Variants in SLC12A8 observed in about 807,000 individuals in gnomAD.
SLC12A8 encodes solute carrier family 12 member 8, also known as cation-chloride cotransporter 9.
In SLC12A8, 69 loss-of-function variants were observed where a neutral mutation model predicts 75.6. The observed-to-expected ratio is 0.91, with a 90% CI of 0.75 to 1.11. The LOEUF is 1.11. Ranked by LOEUF, SLC12A8 falls within the 50% of genes most tolerant of loss-of-function variation. The probability of loss-of-function intolerance (pLI) is 0.00; values close to 1 mark genes in which losing one functional copy is unlikely to be tolerated. For missense variants in SLC12A8, 877 were observed against 896.7 expected (o/e 0.98, Z 0.28); for synonymous variants, 365 against 372.8 (o/e 0.98, Z 0.24).
intron 8 of SLC12A8, among the ~76,000 whole-genome samples, chr3:125,113,546 C>T (rs934934968): frequency 6.6e-6 from 1 of 152,166 alleles, no homozygotes; most frequent in African/African-American, 2.4e-5. Context: ...GGCTTATAGA[C>T]ACGTAGCTCT....
chr3:125,127,649 A>G (rs11706126), intron 6 of SLC12A8, among the ~76,000 whole-genome samples: 51,973 of 152,128 alleles, frequency 0.34, 9,137 homozygotes, highest in East Asian at 0.51. Flanking sequence ...CAACCACTTC[A>G]TGGCAGCCCT....
intron 10 of SLC12A8, among the ~76,000 whole-genome samples, chr3:125,106,571 T>G (rs1939030918): frequency 6.6e-6 from 1 of 152,154 alleles, no homozygotes; most frequent in Non-Finnish European, 1.5e-5. Flanking sequence ...GCCTGGCTAA[T>G]TATTTGTATT....
intron 5 of SLC12A8, among the ~76,000 whole-genome samples, chr3:125,147,659 T>C (rs1933818895): frequency 6.6e-6 from 1 of 152,050 alleles, no homozygotes; most frequent in Non-Finnish European, 1.5e-5. Context: ...CTGGACAGCC[T>C]GGGAAGTGTT....
intron 3 of SLC12A8, among the ~76,000 whole-genome samples, chr3:125,189,035 T>C (rs1934855860): frequency 6.6e-6 from 1 of 152,228 alleles, no homozygotes; most frequent in African/African-American, 2.4e-5. Context: ...CGGCAACTAA[T>C]TGTTTAGTCA....
intron 6 of SLC12A8, among the ~76,000 whole-genome samples, chr3:125,126,424 T>C (rs891804315): frequency 2.6e-5 from 4 of 152,178 alleles, no homozygotes; most frequent in Non-Finnish European, 4.4e-5. Flanking sequence ...CTCAAAAATA[T>C]ATCCTTGGGT....
intron 10 of SLC12A8, among the ~76,000 whole-genome samples, chr3:125,093,758 C>T (rs978760356): frequency 6.6e-6 from 1 of 152,144 alleles, no homozygotes; most frequent in Admixed American, 6.5e-5. Context: ...TGGCATGTAG[C>T]AGAACTCACT....
chr3:125,134,160 G>A (rs1933432841), intron 6 of SLC12A8, among the ~76,000 whole-genome samples: 1 of 152,054 alleles, frequency 6.6e-6, no homozygotes, highest in South Asian at 2.1e-4. Flanking sequence ...GGAGTGCAGT[G>A]GCGCCATCTC....
At chr3:125,086,748 T>C (rs554986405) in intron 13 of SLC12A8, among the ~76,000 whole-genome samples, 1 of 152,298 alleles carries the variant, frequency 6.6e-6, no homozygotes, top group African/African-American at 2.4e-5. Flanking sequence ...TCTCTGCAGC[T>C]CCACATGAGA....
chr3:125,194,546 G>T (rs116236990), intron 2 of SLC12A8, among the ~76,000 whole-genome samples: 235 of 152,348 alleles, frequency 1.5e-3, no homozygotes, highest in African/African-American at 4.9e-3. Flanking sequence ...AGGCTGGAAA[G>T]TTCTGCCAGA....
intron 5 of SLC12A8, among the ~76,000 whole-genome samples, chr3:125,141,483 C>A (rs1302451620): frequency 6.6e-6 from 1 of 152,196 alleles, no homozygotes; most frequent in African/African-American, 2.4e-5. Context: ...GGGACCCTTG[C>A]CCTGGGTAGG....
chr3:125,156,199 G>A (rs6788986), intron 5 of SLC12A8, among the ~76,000 whole-genome samples: 16,476 of 152,226 alleles, frequency 0.11, 1,824 homozygotes, highest in African/African-American at 0.28. Context: ...TACAAAGCAC[G>A]CTAGAAACCG....
chr3:125,157,324 C>A (rs1444971130), intron 5 of SLC12A8, among the ~76,000 whole-genome samples: 2 of 152,160 alleles, frequency 1.3e-5, no homozygotes. Context: ...TGCTCCTTGA[C>A]TTTCAGTGGG....
chr3:125,149,263 T>C (rs1412156127), intron 5 of SLC12A8, among the ~76,000 whole-genome samples: 1 of 152,226 alleles, frequency 6.6e-6, no homozygotes, highest in East Asian at 1.9e-4. Flanking sequence ...CACGGCCTCT[T>C]CAGCCCATGG....
At chr3:125,105,241 G>C (rs1404899422) in intron 10 of SLC12A8, among the ~76,000 whole-genome samples, 1 of 151,614 alleles carries the variant, frequency 6.6e-6, no homozygotes, top group Admixed American at 6.6e-5. Flanking sequence ...TGGGGGTGGG[G>C]AATTATCAAA....
At chr3:125,152,535 C>A (rs1933952153) in intron 5 of SLC12A8, among the ~76,000 whole-genome samples, 1 of 152,136 alleles carries the variant, frequency 6.6e-6, no homozygotes, top group African/African-American at 2.4e-5. Context: ...ACAGAAGAAA[C>A]CGTCTTCAAA....
At chr3:125,191,056 C>T (rs1263799978) in intron 2 of SLC12A8, among the ~76,000 whole-genome samples, 2 of 152,334 alleles carry the variant, frequency 1.3e-5, no homozygotes, top group East Asian at 3.9e-4. Context: ...TACTGAAGCG[C>T]TCTTTGCTCC....
At chr3:125,157,760 A>G (rs368318630) in intron 5 of SLC12A8, among the ~76,000 whole-genome samples, 152 of 152,310 alleles carry the variant, frequency 1.0e-3, no homozygotes, top group South Asian at 1.0e-2. Context: ...CCTTGAAGAC[A>G]TCTCAGAAAC....
chr3:125,154,491 T>G (rs779004272), intron 5 of SLC12A8, among the ~76,000 whole-genome samples: 7 of 152,110 alleles, frequency 4.6e-5, no homozygotes, highest in Admixed American at 6.5e-5. Flanking sequence ...ATAGATAGGA[T>G]ATAGTGAGAT....
chr3:125,108,000 C>T lies in SLC12A8; in HGVS notation c.1186G>A (p.Val396Ile), dbSNP rs753657542. Residue 396 changes from valine to isoleucine, a missense_variant, in exon 10 of 14, where the codon GTT (valine) becomes ATT (isoleucine). Coordinates refer to ENST00000469902, the MANE Select transcript of SLC12A8 (RefSeq NM_024628.6). ...IVTINFMLTY[V>I]AVDYSYFSLS... is the part of the protein sequence containing the mutation. ...GAGAAGTAAGAGTAGTCCACTGCAA[C>T]GTATGTCAGCATGAAGTTGATGGTG... The T allele has an allele frequency of 6.1e-5, 98 of 1,614,024 alleles. No homozygotes were observed. Among genetic ancestry groups the T allele is most frequent in the Admixed American group, 3.2e-4 (19 of 59,986 alleles).
Sources: allele counts gnomAD v4.1 joint callset (sites outside exome capture counted in the v4.1 genomes callset), GRCh38; gene constraint gnomAD v4.1.1; transcripts MANE v1.5; gene names NCBI Gene and HGNC (gene_info 2026-07-23, HGNC 2026-07-21).